ADCK1: variants seen among roughly 807,000 people sequenced by gnomAD.
ADCK1 encodes the protein aarF domain containing kinase 1.
A neutral mutation model predicts 52.3 loss-of-function variants in ADCK1; 41 were observed. The ratio of observed to expected loss-of-function variants is 0.78; its 90% CI spans 0.61 to 1.02. The LOEUF is 1.02. Ranked by LOEUF, ADCK1 falls within the 50% of genes least tolerant of loss-of-function variation. The pLI is 0.00. For missense variants in ADCK1, 658 were observed against 679.5 expected (o/e 0.97, Z 0.35); for synonymous variants, 250 against 274.6 (o/e 0.91, Z 0.89).
chr14:77,815,199 C>CTTTTTTTTTTTTTTTTTTTTTT (rs56211176), intron 1 of ADCK1, among the ~76,000 whole-genome samples: 1 of 129,442 alleles, frequency 7.7e-6, no homozygotes, highest in Non-Finnish European at 1.6e-5. Context: ...TTTGTTTTGT[C>CTTTTTTTTTTTTTTTTTTTTTT]TTTTTTTTTT....
At position 77,887,148 on chromosome 14, in the gene ADCK1, C is replaced by A. The variant is rs751814939; in HGVS notation, c.481C>A (p.Gln161Lys). ...DTPLGTASLA[Q>K]VHKAVLHDGR... is the part of the protein sequence containing the mutation. ...CCCTCTGGGGACGGCCTCCCTGGCCCAGGTCCACAAGGCAGTGCTGCATGA... is the reference window on the plus strand; with the variant it reads ...CCCTCTGGGGACGGCCTCCCTGGCCAAGGTCCACAAGGCAGTGCTGCATGA... The change falls in exon 5 of 11, where the codon CAG becomes AAG. Residue 161 changes from glutamine (Q) to lysine (K), a missense_variant. By Grantham distance (53) the Gln-to-Lys change is moderately conservative (BLOSUM62 1). Transcript: ENST00000238561. 3 of 1,609,236 alleles carry A rather than the reference C, an allele frequency of 1.9e-6. No individual in the cohort carries two copies. In the South Asian group the frequency reaches 3.3e-5, roughly 18 times the overall value.
intron 7 of ADCK1, among the ~76,000 whole-genome samples, chr14:77,922,584 C>G (rs1377721216): frequency 6.6e-6 from 1 of 152,154 alleles, no homozygotes; most frequent in East Asian, 1.9e-4. Context: ...TTTACTGAAG[C>G]TGATGGCATA....
intron 3 of ADCK1, chr14:77,828,044 G>C (rs553895914): frequency 8.9e-6 from 2 of 224,062 alleles, no homozygotes; most frequent in African/African-American, 4.8e-5. Flanking sequence ...TAGCCAGAAT[G>C]ATCTCCATCT....
chr14:77,876,772 C>T (rs1292026089), intron 4 of ADCK1, among the ~76,000 whole-genome samples: 2 of 152,168 alleles, frequency 1.3e-5, no homozygotes, highest in Non-Finnish European at 2.9e-5. Context: ...TTGACTGCCA[C>T]CCCCCGACCT....
Position 77,924,511 on chromosome 14 carries a change from G to A in ADCK1, c.913G>A (p.Val305Met), listed in dbSNP as rs766297901. Residue 305 changes from valine to methionine, a missense_variant, in exon 8 of 11, where the codon GTG becomes ATG. Transcript: ENST00000238561. Reference protein sequence around the residue: ...YSEMIFVNGFVHCDPHPGNVL... With the variant: ...YSEMIFVNGFMHCDPHPGNVL... ...TGAGATGATCTTCGTCAATGGCTTC[G>A]TGCACTGCGATCCCCACCCCGGCAA... 8.6e-5 allele frequency: 139 copies of A among 1,614,106 alleles called. No individual in the cohort carries two copies. Among genetic ancestry groups the A allele is most frequent in the South Asian group, 2.5e-4 (23 of 91,088 alleles).
At position 77,933,766 on chromosome 14, in the gene ADCK1, C is replaced by G. The variant is rs2084396810; in HGVS notation, c.*375C>G. The G allele has an allele frequency of 5.0e-6, 1 of 198,412 alleles. No individual in the cohort carries two copies. Among genetic ancestry groups the G allele is most frequent in the Admixed American group, 5.4e-5 (1 of 18,682 alleles). 12.3% of individuals were successfully genotyped at this position (198,412 alleles called of 1,614,324 possible). A position where few individuals can be genotyped will look rare whatever the true frequency, so the allele number is the denominator to read the frequency against. On this transcript the variant is annotated 3_prime_UTR_variant, in exon 11 of 11. Coordinates refer to ENST00000238561, the MANE Select transcript of ADCK1 (RefSeq NM_020421.4). ...AGGGAGTGTGATTTTGTTGGAGGTG[C>G]ACATGGTCTCTGAATTTGACAGAGA... is the stretch of plus-strand genomic sequence containing the variant.
intron 7 of ADCK1, among the ~76,000 whole-genome samples, chr14:77,917,095 C>T (rs1161607750): frequency 6.6e-6 from 1 of 152,130 alleles, no homozygotes; most frequent in Non-Finnish European, 1.5e-5. Flanking sequence ...CATGGTGGCA[C>T]ATGCATGTAA....
chr14:77,849,105 G>A (rs2082231133), intron 3 of ADCK1, among the ~76,000 whole-genome samples: 1 of 152,128 alleles, frequency 6.6e-6, no homozygotes, highest in Non-Finnish European at 1.5e-5. Flanking sequence ...TGGGATTATA[G>A]GCGTGAGCCA....
Position 77,887,155 on chromosome 14 carries a change from A to T in ADCK1, c.488A>T (p.His163Leu). ...GGGACGGCCTCCCTGGCCCAGGTCC[A>T]CAAGGCAGTGCTGCATGATGGGCGG... is the stretch of plus-strand genomic sequence containing the variant. ...PLGTASLAQV[H>L]KAVLHDGRTV... The change falls in exon 5 of 11, where the codon CAC (histidine) becomes CTC (leucine). Residue 163 changes from histidine (H) to leucine (L), a missense_variant. Transcript: ENST00000238561. The T allele has an allele frequency of 6.2e-7, 1 of 1,610,312 alleles. No individual in the cohort carries two copies. The highest frequency in any genetic ancestry group is 8.5e-7 in the Non-Finnish European group (1 of 1,178,186).
intron 1 of ADCK1, among the ~76,000 whole-genome samples, chr14:77,805,063 G>A (rs1265263707): frequency 7.3e-5 from 11 of 151,496 alleles, no homozygotes; most frequent in East Asian, 2.0e-4. Flanking sequence ...AAAATTAGCC[G>A]GACGTGGTGG....
Position 77,933,546 on chromosome 14 carries a change from C to G in ADCK1, c.*155C>G. ...CCTTCTCCTCCTTTGGAATCCTCTC[C>G]GCACACTGTGGCCCTTGTCTCAGGG... is the stretch of plus-strand genomic sequence containing the variant. On this transcript the variant is annotated 3_prime_UTR_variant, in exon 11 of 11. Coordinates refer to ENST00000238561, the MANE Select transcript of ADCK1 (RefSeq NM_020421.4). The G allele has an allele frequency of 1.1e-6, 1 of 874,930 alleles. No individual in the cohort carries two copies. Among genetic ancestry groups the G allele is most frequent in the African/African-American group, 1.7e-5 (1 of 60,018 alleles). The allele number at this position is 874,930 out of a possible 1,614,324, so 54.2% of individuals were successfully genotyped here.
intron 5 of ADCK1, among the ~76,000 whole-genome samples, chr14:77,897,510 A>G (rs1055142197): frequency 1.1e-4 from 16 of 152,248 alleles, no homozygotes; most frequent in African/African-American, 3.9e-4. Context: ...ATTTCACATC[A>G]TTAAACTGAC....
intron 7 of ADCK1, among the ~76,000 whole-genome samples, chr14:77,921,250 C>T (rs1279388986): frequency 2.2e-5 from 3 of 136,202 alleles, no homozygotes; most frequent in African/African-American, 5.5e-5. Flanking sequence ...TGGCATGAAC[C>T]TGGGAGGCGG....
intron 8 of ADCK1, among the ~76,000 whole-genome samples, chr14:77,925,032 T>C (rs2084156410): frequency 6.6e-6 from 1 of 152,124 alleles, no homozygotes; most frequent in Non-Finnish European, 1.5e-5. Context: ...CTGGAGGGCC[T>C]CAGACTGTGT....
chr14:77,915,432 A>G (rs1374538115), intron 7 of ADCK1, among the ~76,000 whole-genome samples: 8 of 151,666 alleles, frequency 5.3e-5, no homozygotes, highest in Admixed American at 3.9e-4. Context: ...TGAGTGATAA[A>G]TTATGCTGCT....
intron 7 of ADCK1, among the ~76,000 whole-genome samples, chr14:77,916,034 T>C (rs1408160398): frequency 6.6e-6 from 1 of 152,142 alleles, no homozygotes. Context: ...GTGGTGCTCG[T>C]AGTACATTAT....
At chr14:77,886,991 TG>T in intron 4 of ADCK1, 99 bp from the exon 5 acceptor site, 1 of 1,313,904 alleles carries the variant, frequency 7.6e-7, no homozygotes. Flanking sequence ...AAATCTGTCC[TG>T]GGGGCACTAG....
chr14:77,873,631 T>C (rs998825642), intron 4 of ADCK1, among the ~76,000 whole-genome samples: 1 of 152,232 alleles, frequency 6.6e-6, no homozygotes, highest in Non-Finnish European at 1.5e-5. Context: ...AAGTCTCATC[T>C]TGAATTGTAG....
chr14:77,851,767 G>A (rs1448657181), intron 3 of ADCK1, among the ~76,000 whole-genome samples: 5 of 151,972 alleles, frequency 3.3e-5, no homozygotes, highest in African/African-American at 4.8e-5. Flanking sequence ...GAAGTTTTAT[G>A]CTATTGATGT....
Sources: gnomAD v4.1 joint callset for allele counts (sites outside exome capture counted in the v4.1 genomes callset) on GRCh38, gnomAD v4.1.1 for gene constraint, MANE v1.5 for transcripts, NCBI Gene and HGNC (gene_info 2026-07-23, HGNC 2026-07-21) for gene names.